The following MS4A15 variants were observed in gnomAD, a reference collection of about 807,000 sequenced individuals.
MS4A15 encodes the protein membrane-spanning 4-domains subfamily A member 15.
In MS4A15, 22 loss-of-function variants were observed where a neutral mutation model predicts 20.6. The observed-to-expected ratio is 1.07, with a 90% confidence interval of 0.76 to 1.52. MS4A15 has a LOEUF of 1.52. MS4A15 is among the 40% of genes most tolerant of loss of function. The pLI is 0.00. For missense variants in MS4A15, 312 were observed against 323.0 expected, an observed-to-expected ratio of 0.97 and a Z score of 0.26; for synonymous variants, 129 against 129.3, an observed-to-expected ratio of 1.00 and a Z score of 0.02.
chr11:60,761,710 G>A (rs1342413504), intron 1 of MS4A15, among the ~76,000 whole-genome samples: 6 of 151,992 alleles, frequency 3.9e-5, no homozygotes, highest in African/African-American at 1.4e-4. Flanking sequence ...TTTTTGAATG[G>A]GTTCTTTCAC....
intron 6 of MS4A15, among the ~76,000 whole-genome samples, chr11:60,775,294 G>A (rs1854160442): frequency 1.3e-5 from 2 of 148,470 alleles, no homozygotes; most frequent in Admixed American, 6.8e-5. Flanking sequence ...TCCAGCCTGG[G>A]CAACAAGAGC....
At chr11:60,759,579 TTGAGA>T (rs559349198) in intron 1 of MS4A15, among the ~76,000 whole-genome samples, 3 of 151,854 alleles carry the variant, frequency 2.0e-5, no homozygotes, top group Non-Finnish European at 2.9e-5. Flanking sequence ...CTCTTTGTGG[TTGAGA>T]TAAGAGGAAG....
In MS4A15 at chr11:60,773,891, T is replaced by C; in HGVS notation, c.553T>C (p.Phe185Leu). Reference protein sequence around the residue: ...VLTIFTVLEFFTAVIAMHFGC... With the variant: ...VLTIFTVLEFLTAVIAMHFGC... ...TACTATCTTCACTGTCCTGGAGTTC[T>C]TCACAGCGGTCATTGCCATGCACTT... Residue 185 changes from phenylalanine to leucine, a missense_variant, in exon 6 of 7, where the codon TTC (phenylalanine) becomes CTC (leucine). Physicochemically the swap from Phe to Leu is conservative, Grantham distance 22 (BLOSUM62 0). Transcript: ENST00000405633. 6.2e-7 allele frequency: 1 copy of C among 1,614,216 alleles called. No homozygotes were observed. Among genetic ancestry groups the C allele is most frequent in the Non-Finnish European group, 8.5e-7 (1 of 1,180,038 alleles).
At chr11:60,767,501 C>A (rs771747987) in intron 2 of MS4A15, 32 bp from the exon 3 acceptor site, 2 of 1,481,228 alleles carry the variant, frequency 1.4e-6, no homozygotes, top group African/African-American at 1.4e-5. Context: ...TGGAACAGGG[C>A]CCGCGGCACT....
At chr11:60,762,534 C>T (rs1853770289) in intron 1 of MS4A15, among the ~76,000 whole-genome samples, 1 of 152,172 alleles carries the variant, frequency 6.6e-6, no homozygotes, top group South Asian at 2.1e-4. Flanking sequence ...AAAAGGCTTT[C>T]AATAGTTAAA....
intron 1 of MS4A15, among the ~76,000 whole-genome samples, chr11:60,760,899 G>A (rs577100052): frequency 4.4e-4 from 67 of 152,310 alleles, no homozygotes; most frequent in African/African-American, 1.3e-3. Context: ...GCAACTATCC[G>A]GCTTGCAGGC....
At chr11:60,758,720 T>C (rs1853650984) in intron 1 of MS4A15, among the ~76,000 whole-genome samples, 1 of 152,258 alleles carries the variant, frequency 6.6e-6, no homozygotes, top group African/African-American at 2.4e-5. Context: ...TCAGCTTTCA[T>C]TTACCAGCCT....
chr11:60,767,511 T>C, intron 2 of MS4A15, 22 bp from the exon 3 acceptor site: 1 of 1,498,140 alleles, frequency 6.7e-7, no homozygotes, highest in Admixed American at 2.2e-5. Context: ...CCCGCGGCAC[T>C]GAGCCTCGGG....
chr11:60,766,123 G>A (rs994666484), intron 2 of MS4A15, among the ~76,000 whole-genome samples: 9 of 152,220 alleles, frequency 5.9e-5, no homozygotes, highest in Non-Finnish European at 8.8e-5. Context: ...GCCCACGCCT[G>A]TAATCCCAGC....
At chr11:60,759,115 AAAAG>A (rs1352177969) in intron 1 of MS4A15, among the ~76,000 whole-genome samples, 6 of 152,350 alleles carry the variant, frequency 3.9e-5, no homozygotes, top group South Asian at 2.1e-4. Flanking sequence ...CATTGTGGGG[AAAAG>A]AAAGAGAGAT....
Position 60,763,728 on chromosome 11 carries a change from AGCACGATGTCT to A in MS4A15, c.-2_9del, listed in dbSNP as rs1853806015. On this transcript the variant is annotated start_lost and 5_prime_UTR_variant, in exon 2 of 7. Coordinates refer to ENST00000405633, the MANE Select transcript of MS4A15 (RefSeq NM_001098835.2). ...AAGCCTTTGTTTCCCAGGCTCTCTG[AGCACGATGTCT>A]GCAGCTCCCGCCAGCAATGGAGTGT... 6.2e-7 allele frequency: 1 copy of A among 1,611,954 alleles called. No individual in the cohort carries two copies. The highest frequency in any genetic ancestry group is 1.3e-5 in the African/African-American group (1 of 74,884).
chr11:60,773,853 A>G lies in MS4A15; in HGVS notation c.515A>G (p.Tyr172Cys). The G allele has an allele frequency of 6.2e-7, 1 of 1,614,142 alleles. No individual in the cohort carries two copies. Among genetic ancestry groups the G allele is most frequent in the South Asian group, 1.1e-5 (1 of 91,084 alleles). The change falls in exon 6 of 7, where the codon TAT becomes TGT. Residue 172 changes from tyrosine to cysteine, a missense_variant. Tyr to Cys is a radical substitution (Grantham distance 194, BLOSUM62 -2). Coordinates refer to ENST00000405633, the MANE Select transcript of MS4A15 (RefSeq NM_001098835.2). ...GGTCCCCAGGATGTGGACAGGGGCT[A>G]TCTGGCCGTGCTTACTATCTTCACT... ...GVTNRDVDRG[Y>C]LAVLTIFTVL...
chr11:60,759,734 C>G (rs189653136), intron 1 of MS4A15, among the ~76,000 whole-genome samples: 1 of 152,168 alleles, frequency 6.6e-6, no homozygotes, highest in African/African-American at 2.4e-5. Flanking sequence ...TTACTCTTTA[C>G]TAACTGAGAT....
At position 60,773,958 on chromosome 11, in the gene MS4A15, C is replaced by A; in HGVS notation, c.612+8C>A. 6.3e-7 allele frequency: 1 copy of A among 1,584,234 alleles called. No homozygotes were observed. Among genetic ancestry groups the A allele is most frequent in the Non-Finnish European group, 8.7e-7 (1 of 1,153,994 alleles). ...CATGCCCAGGCCAGTGCAGTGAGTA[C>A]CCCCACCCCCACCCCCACGTCCACT... On this transcript the variant is annotated splice_region_variant and intron_variant, in intron 6 of 6. Coordinates refer to ENST00000405633, the MANE Select transcript of MS4A15 (RefSeq NM_001098835.2).
chr11:60,758,413 T>C (rs1345022969), intron 1 of MS4A15, among the ~76,000 whole-genome samples: 1 of 152,236 alleles, frequency 6.6e-6, no homozygotes, highest in Non-Finnish European at 1.5e-5. Context: ...TATGTTACAA[T>C]TGGCTTTTGA....
rs1159111504 is a variant in MS4A15, at chr11:60,767,585, T to C, written c.278T>C (p.Leu93Pro). 6.4e-7 allele frequency: 1 copy of C among 1,556,262 alleles called. No individual in the cohort carries two copies. The highest frequency in any genetic ancestry group is 1.4e-5 in the African/African-American group (1 of 73,906). Residue 93 changes from leucine (L) to proline (P), a missense_variant, in exon 3 of 7, where the codon CTC (leucine) becomes CCC (proline). By Grantham distance (98) the Leu-to-Pro change is moderately conservative. Coordinates refer to ENST00000405633, the MANE Select transcript of MS4A15 (RefSeq NM_001098835.2). The stretch of plus-strand genomic sequence containing the variant: ...CACCTAGGCTTTGGCAGCGTGCTGC[T>C]CATGGTTCGCCGCGGCCACGTGGGC... ...LIHLGFGSVLLMVRRGHVGIF... is the reference protein window; with the variant it reads ...LIHLGFGSVLPMVRRGHVGIF...
intron 6 of MS4A15, among the ~76,000 whole-genome samples, chr11:60,775,265 C>T (rs980808223): frequency 6.6e-6 from 1 of 150,408 alleles, no homozygotes; most frequent in Non-Finnish European, 1.5e-5. Context: ...TGCAGTGAGC[C>T]GAGATCACGC....
At chr11:60,773,762 G>T in intron 5 of MS4A15, 75 bp from the exon 6 acceptor site, 1 of 1,246,910 alleles carries the variant, frequency 8.0e-7, no homozygotes. Flanking sequence ...ATGACCTTGG[G>T]CAAGTGGTTC....
In MS4A15 at chr11:60,767,585, TCATG is replaced by T; in HGVS notation, c.279_282del (p.Met94PhefsTer42). On this transcript the variant is annotated frameshift_variant, in exon 3 of 7. Transcript: ENST00000405633. LOFTEE classifies it high-confidence loss of function. ...CACCTAGGCTTTGGCAGCGTGCTGC[TCATG>T]GTTCGCCGCGGCCACGTGGGCATCT... 4 of 1,556,262 alleles carry T rather than the reference TCATG, an allele frequency of 2.6e-6. No individual in the cohort carries two copies. The highest frequency in any genetic ancestry group is 3.5e-6 in the Non-Finnish European group (4 of 1,149,234).
Sources: allele counts gnomAD v4.1 joint callset (sites outside exome capture counted in the v4.1 genomes callset), GRCh38; gene constraint gnomAD v4.1.1; transcripts MANE v1.5; gene names NCBI Gene and HGNC (gene_info 2026-07-23, HGNC 2026-07-21).